The following ZNF554 variants were observed in gnomAD, a reference collection of about 807,000 sequenced individuals.
ZNF554 encodes the protein zinc finger protein 554.
In ZNF554, 15 loss-of-function variants were observed where a neutral mutation model predicts 21.2. That is an observed-to-expected ratio of 0.71 (90% confidence interval 0.47 to 1.09). The LOEUF is 1.09. Among genes scored for constraint, ZNF554 ranks in the 50% least tolerant of loss-of-function variants. The pLI is 0.00. For missense variants in ZNF554, 691 were observed against 662.7 expected (o/e 1.04, Z -0.47); for synonymous variants, 258 against 251.4 (o/e 1.03, Z -0.25).
In ZNF554 at chr19:2,834,626, A is replaced by G. The variant is rs1439627837; in HGVS notation, c.1391A>G (p.Tyr464Cys). Residue 464 changes from tyrosine to cysteine, a missense_variant, in exon 5 of 5, where the codon TAT (tyrosine) becomes TGT (cysteine). Physicochemically the swap from Tyr to Cys is radical, Grantham distance 194. Transcript: ENST00000317243. ...CGAACTCACACGGGCGAGAACCCCT[A>G]TGAATGTAAGCAGTGTGGGAGAGCC... ...HERTHTGENP[Y>C]ECKQCGRAFS... The G allele has an allele frequency of 6.2e-7, 1 of 1,613,916 alleles. No individual in the cohort carries two copies. The highest frequency in any genetic ancestry group is 1.3e-5 in the African/African-American group (1 of 74,896).
In ZNF554 at chr19:2,834,735, C is replaced by T. The variant is rs1295352780; in HGVS notation, c.1500C>T (p.Ala500=). ...KPYRCQECGK[A]FSQSSSLVTH... Reference sequence around the variant, plus strand: ...ACAGGTGTCAGGAATGTGGGAAAGCCTTCAGCCAGAGCTCATCCCTTGTCA... The same window carrying T: ...ACAGGTGTCAGGAATGTGGGAAAGCTTTCAGCCAGAGCTCATCCCTTGTCA... Residue 500 remains alanine, a synonymous_variant, in exon 5 of 5, where the codon GCC becomes GCT. Coordinates refer to ENST00000317243, the MANE Select transcript of ZNF554 (RefSeq NM_001102651.2). 2 of 1,613,992 alleles carry T rather than the reference C, an allele frequency of 1.2e-6. No homozygotes were observed. The highest frequency in any genetic ancestry group is 2.7e-5 in the African/African-American group (2 of 74,930).
At chr19:2,828,677 G>GA (rs35070771) in intron 3 of ZNF554, among the ~76,000 whole-genome samples, 31 of 140,096 alleles carry the variant, frequency 2.2e-4, no homozygotes, top group Non-Finnish European at 3.4e-4. Context: ...TCCGTCTCAA[G>GA]AAAAAAAAAA....
chr19:2,832,306 C>T lies in ZNF554; in HGVS notation c.257C>T (p.Ala86Val), dbSNP rs995504687. The T allele has an allele frequency of 6.3e-7, 1 of 1,576,734 alleles. No homozygotes were observed. Among genetic ancestry groups the T allele is most frequent in the African/African-American group, 1.4e-5 (1 of 72,674 alleles). Residue 86 changes from alanine to valine, a missense_variant, in exon 4 of 5, where the codon GCC becomes GTC. Coordinates refer to ENST00000317243, the MANE Select transcript of ZNF554 (RefSeq NM_001102651.2). ...AGTATACTCTTGTCTTTTTCAGAAG[C>T]CTTGAAGAACCAATGTACTGATGTG... ...ENYRNVVSLE[A>V]LKNQCTDVGI... is the part of the protein sequence containing the mutation.
chr19:2,833,710 T>G lies in ZNF554; in HGVS notation c.475T>G (p.Ser159Ala). Residue 159 changes from serine (S) to alanine (A), a missense_variant, in exon 5 of 5, where the codon TCA (serine) becomes GCA (alanine). By Grantham distance (99) the Ser-to-Ala change is moderately conservative. Coordinates refer to ENST00000317243, the MANE Select transcript of ZNF554 (RefSeq NM_001102651.2). ...GATGACTGTACTAAGAAACCAAGAC[T>G]CAACTTACAAGAAGGTGGCTTTGCA... is the stretch of plus-strand genomic sequence containing the variant. ...DWMTVLRNQD[S>A]TYKKVALQEE... The G allele has an allele frequency of 3.9e-6, 6 of 1,534,330 alleles. No individual in the cohort carries two copies. Among genetic ancestry groups the G allele is most frequent in the Non-Finnish European group, 5.3e-6 (6 of 1,141,656 alleles).
At chr19:2,823,226 T>G in intron 2 of ZNF554, 114 bp downstream of exon 2, 2 of 1,064,808 alleles carry the variant, frequency 1.9e-6, no homozygotes, top group Non-Finnish European at 1.3e-6. Flanking sequence ...TTCAGGAGAA[T>G]TCCCCAGGAG....
intron 1 of ZNF554, among the ~76,000 whole-genome samples, chr19:2,820,613 C>A (rs1043453684): frequency 1.3e-5 from 2 of 151,750 alleles, no homozygotes; most frequent in Non-Finnish European, 2.9e-5. Flanking sequence ...CTCCAGTGTC[C>A]ACAGCGCCCT....
At chr19:2,832,060 G>A (rs2087427563) in intron 3 of ZNF554, 2 of 273,560 alleles carry the variant, frequency 7.3e-6, no homozygotes, top group Non-Finnish European at 1.4e-5. Flanking sequence ...TGAGTAACTG[G>A]GGTTACAGGC....
At chr19:2,823,164 A>G (rs1391884332) in intron 2 of ZNF554, 52 bp downstream of exon 2, 1 of 1,555,752 alleles carries the variant, frequency 6.4e-7, no homozygotes, top group South Asian at 1.1e-5. Context: ...AGAGGGAACA[A>G]TCCCACCAGA....
intron 2 of ZNF554, among the ~76,000 whole-genome samples, chr19:2,825,004 T>G (rs1385918695): frequency 3.3e-4 from 5 of 15,120 alleles, no homozygotes; most frequent in African/African-American, 7.3e-4. Flanking sequence ...ATTGCAGTTG[T>G]TTTTTTTTTT....
At chr19:2,820,180 G>A in intron 1 of ZNF554, 56 bp downstream of exon 1, 1 of 1,209,588 alleles carries the variant, frequency 8.3e-7, no homozygotes, top group Non-Finnish European at 1.0e-6. Flanking sequence ...CCGGGGCTCT[G>A]GTGGGGCTGG....
rs1944095776 is a variant in ZNF554 at position 2,836,542 on chromosome 19, A to G, written c.*1690A>G. 6.6e-6 allele frequency among the ~76,000 whole-genome samples: 1 copy of G among 152,254 alleles called. No homozygotes were observed. On this transcript the variant is annotated 3_prime_UTR_variant, in exon 5 of 5. Transcript: ENST00000317243. ...GCTTCAAAATAGTACTAGTAATTTG[A>G]TCCATTCACAAAAGGACAAAGGCTG...
intron 2 of ZNF554, among the ~76,000 whole-genome samples, chr19:2,827,195 G>C (rs77702048): frequency 0.021 from 3,248 of 152,244 alleles, 42 homozygotes; most frequent in Middle Eastern, 0.058. Context: ...TCTTTCCATT[G>C]AACAGATGAG....
chr19:2,828,877 G>A (rs577121074), intron 3 of ZNF554, among the ~76,000 whole-genome samples: 47 of 152,054 alleles, frequency 3.1e-4, no homozygotes, highest in Non-Finnish European at 6.5e-4. Context: ...GAACAGCATG[G>A]GGGAACTGCC....
intron 3 of ZNF554, chr19:2,830,458 G>A (rs1338675954): frequency 6.6e-6 from 1 of 152,224 alleles, no homozygotes; most frequent in East Asian, 1.9e-4. Flanking sequence ...TCCTGTTGCT[G>A]TCAGCATTGG....
intron 2 of ZNF554, among the ~76,000 whole-genome samples, chr19:2,825,620 A>AC (rs2087321708): frequency 1.3e-5 from 2 of 152,162 alleles, no homozygotes; most frequent in Admixed American, 6.5e-5. Context: ...TTTTGTAGAA[A>AC]CTGGGTGTCA....
At chr19:2,831,247 A>G (rs1256603912) in intron 3 of ZNF554, 2 of 151,802 alleles carry the variant, frequency 1.3e-5, no homozygotes, top group East Asian at 3.9e-4. Context: ...GACATCGAGC[A>G]TCCATTCCTG....
chr19:2,820,222 C>A, intron 1 of ZNF554, 98 bp downstream of exon 1: 1 of 1,121,896 alleles, frequency 8.9e-7, no homozygotes, highest in Non-Finnish European at 1.1e-6. Context: ...GGGGCATGAC[C>A]CTGTCGCGAT....
chr19:2,825,584 G>A (rs1483968689), intron 2 of ZNF554, among the ~76,000 whole-genome samples: 1 of 152,208 alleles, frequency 6.6e-6, no homozygotes, highest in Non-Finnish European at 1.5e-5. Flanking sequence ...ATCCTGGAGT[G>A]GGATTTTTAA....
rs1313230401 is a variant in ZNF554, at chr19:2,821,075, G to A, written c.53+951G>A. On this transcript the variant is annotated intron_variant, in intron 1 of 4. Coordinates refer to ENST00000317243, the MANE Select transcript of ZNF554 (RefSeq NM_001102651.2). The surrounding 1 kb of genome is among the most constrained non-coding windows in gnomAD (Gnocchi z 8.2). The stretch of plus-strand genomic sequence containing the variant: ...CCCTGAACTCTCCCCTACCCAAACA[G>A]GTTGGTTTCTTTTTCTTCTTCTTTT... Among the ~76,000 whole-genome samples, 2 of 151,472 alleles carry A rather than the reference G, an allele frequency of 1.3e-5. No individual in the cohort carries two copies. The highest frequency in any genetic ancestry group is 2.4e-5 in the African/African-American group (1 of 40,996).
Sources: gnomAD v4.1 joint callset for allele counts (sites outside exome capture counted in the v4.1 genomes callset) on GRCh38, gnomAD v4.1.1 for gene constraint, Gnocchi (gnomAD v3.1) non-coding constraint, MANE v1.5 for transcripts, NCBI Gene and HGNC (gene_info 2026-07-23, HGNC 2026-07-21) for gene names.